The following CNTNAP2 variants were observed in gnomAD, a reference collection of about 807,000 sequenced individuals.
CNTNAP2 encodes the protein contactin associated protein 2.
Under a neutral mutation model 155.2 loss-of-function variants are expected in CNTNAP2, and 98 were observed. The ratio of observed to expected loss-of-function variants is 0.63; its 90% confidence interval spans 0.54 to 0.75. The LOEUF is 0.75. CNTNAP2 is among the 30% of genes least tolerant of loss of function. The pLI is 0.00. For synonymous variants in CNTNAP2, 651 were observed against 631.2 expected (o/e 1.03, Z -0.47); for missense variants, 1,727 against 1,688.1 (o/e 1.02, Z -0.40).
chr7:147,137,899 A>G (rs997070042), intron 8 of CNTNAP2, among the ~76,000 whole-genome samples: 3 of 131,552 alleles, frequency 2.3e-5, no homozygotes, highest in African/African-American at 7.7e-5. Flanking sequence ...ATAGATAGAT[A>G]GATAGATAGA....
At chr7:147,659,633 G>C (rs1052919438) in intron 13 of CNTNAP2, among the ~76,000 whole-genome samples, 3 of 152,100 alleles carry the variant, frequency 2.0e-5, no homozygotes, top group Non-Finnish European at 2.9e-5. Context: ...ATACAAATGG[G>C]AGTGACTAGA....
intron 1 of CNTNAP2, among the ~76,000 whole-genome samples, chr7:146,622,659 A>C (rs1405885711): frequency 2.0e-5 from 3 of 152,082 alleles, no homozygotes; most frequent in Non-Finnish European, 2.9e-5. Context: ...CCCAATAGTA[A>C]TAAACGTGGA....
chr7:148,331,258 ATGGATGGATGGAG>A, intron 21 of CNTNAP2, among the ~76,000 whole-genome samples: 1 of 2,474 alleles, frequency 4.0e-4, no homozygotes, highest in Middle Eastern at 0.25. Context: ...GATGGAATGG[ATGGATGGATGGAG>A]TGGACGGATG....
intron 8 of CNTNAP2, among the ~76,000 whole-genome samples, chr7:147,215,989 T>C (rs1021968843): frequency 6.6e-6 from 1 of 152,158 alleles, no homozygotes; most frequent in Admixed American, 6.5e-5. Flanking sequence ...TAAATATTTT[T>C]TGAGATGTCT....
chr7:147,035,314 T>C (rs1254313799), intron 3 of CNTNAP2, among the ~76,000 whole-genome samples: 1 of 152,202 alleles, frequency 6.6e-6, no homozygotes, highest in African/African-American at 2.4e-5. Context: ...GTCCTTCTTA[T>C]CTTCCTGCCT....
intron 1 of CNTNAP2, among the ~76,000 whole-genome samples, chr7:146,234,777 C>G (rs188953426): frequency 6.6e-5 from 10 of 152,270 alleles, no homozygotes; most frequent in Non-Finnish European, 1.0e-4. Flanking sequence ...ACAGAGTATT[C>G]TGAAATATCA....
intron 14 of CNTNAP2, among the ~76,000 whole-genome samples, chr7:147,941,724 TTACTC>T (rs1563142450): frequency 6.6e-6 from 1 of 152,190 alleles, no homozygotes; most frequent in African/African-American, 2.4e-5. Context: ...GATTCAGTAA[TTACTC>T]TAAAATGATA....
At chr7:146,681,318 G>A (rs10230303) in intron 1 of CNTNAP2, among the ~76,000 whole-genome samples, 1,485 of 148,374 alleles carry the variant, frequency 0.01, 26 homozygotes, top group African/African-American at 0.036. Flanking sequence ...TAAAATTGGT[G>A]ATATTCAGAT....
At chr7:146,385,087 C>T (rs1047895423) in intron 1 of CNTNAP2, among the ~76,000 whole-genome samples, 5 of 152,154 alleles carry the variant, frequency 3.3e-5, no homozygotes, top group Non-Finnish European at 7.4e-5. Context: ...CTGAACTCAA[C>T]TTTTCACTGA....
chr7:146,224,401 G>A (rs1226999560), intron 1 of CNTNAP2, among the ~76,000 whole-genome samples: 6 of 149,040 alleles, frequency 4.0e-5, no homozygotes, highest in African/African-American at 1.5e-4. Context: ...TTTGTAGCAA[G>A]TTACGTTTTT....
At chr7:148,320,376 C>CTTATTT (rs1797769018) in intron 21 of CNTNAP2, among the ~76,000 whole-genome samples, 1 of 63,386 alleles carries the variant, frequency 1.6e-5, no homozygotes, top group African/African-American at 5.4e-5. Flanking sequence ...ATTTTTTTTT[C>CTTATTT]TTTTTTTTTT....
chr7:147,603,188 T>A (rs1800989331), intron 12 of CNTNAP2, among the ~76,000 whole-genome samples: 1 of 151,966 alleles, frequency 6.6e-6, no homozygotes, highest in Non-Finnish European at 1.5e-5. Context: ...CTAACTGGTG[T>A]GAGATGGTAT....
intron 8 of CNTNAP2, among the ~76,000 whole-genome samples, chr7:147,298,286 T>C (rs929575207): frequency 6.6e-6 from 1 of 151,902 alleles, no homozygotes; most frequent in Non-Finnish European, 1.5e-5. Context: ...TAGCCAGCTG[T>C]GGTGATGCAC....
chr7:146,362,197 T>C (rs1216983174), intron 1 of CNTNAP2, among the ~76,000 whole-genome samples: 2 of 152,226 alleles, frequency 1.3e-5, no homozygotes, highest in African/African-American at 4.8e-5. Flanking sequence ...AATGTACAAA[T>C]AGTTTTGAGT....
intron 4 of CNTNAP2, among the ~76,000 whole-genome samples, chr7:147,071,183 A>G (rs1799884884): frequency 6.6e-6 from 1 of 152,178 alleles, no homozygotes; most frequent in African/African-American, 2.4e-5. Context: ...CAAATGGCCC[A>G]TCAAAGTGTT....
chr7:147,734,543 G>A (rs1717552687), intron 13 of CNTNAP2, among the ~76,000 whole-genome samples: 1 of 152,166 alleles, frequency 6.6e-6, no homozygotes, highest in Admixed American at 6.5e-5. Context: ...AATGAGTTAG[G>A]GAGGATTCCC....
intron 9 of CNTNAP2, among the ~76,000 whole-genome samples, chr7:147,335,622 G>T (rs747139): frequency 0.39 from 58,972 of 151,780 alleles, 11,790 homozygotes; most frequent in South Asian, 0.49. Flanking sequence ...AAACAGAGAC[G>T]GAGGAAATCT....
chr7:147,319,207 G>A (rs78146734), intron 9 of CNTNAP2, among the ~76,000 whole-genome samples: 8,125 of 152,050 alleles, frequency 0.053, 286 homozygotes, highest in African/African-American at 0.1. Flanking sequence ...GCTTTATATT[G>A]CATCAATAAT....
chr7:146,567,452 A>T (rs1172306011), intron 1 of CNTNAP2, among the ~76,000 whole-genome samples: 1 of 152,204 alleles, frequency 6.6e-6, no homozygotes, highest in East Asian at 1.9e-4. Context: ...GTAAAAATCT[A>T]TATAGTCTTA....
Sources: allele counts gnomAD v4.1 joint callset (sites outside exome capture counted in the v4.1 genomes callset), GRCh38; gene constraint gnomAD v4.1.1; transcripts MANE v1.5; gene names NCBI Gene and HGNC (gene_info 2026-07-23, HGNC 2026-07-21).